The following GPC5 variants were observed in gnomAD, a reference collection of about 807,000 sequenced individuals.
GPC5 encodes glypican-5.
GPC5 carries 47 observed loss-of-function variants against 53.9 expected under a neutral mutation model. The observed-to-expected ratio is 0.87, with a 90% CI of 0.69 to 1.11. The LOEUF is 1.11. Among genes scored for constraint, GPC5 ranks in the 50% most tolerant of loss-of-function variants. The pLI is 0.00. For missense variants in GPC5, 748 were observed against 713.1 expected (o/e 1.05, Z -0.56); for synonymous variants, 286 against 263.3 (o/e 1.09, Z -0.84).
chr13:92,468,360 G>A (rs1343450691), intron 7 of GPC5, among the ~76,000 whole-genome samples: 1 of 152,124 alleles, frequency 6.6e-6, no homozygotes, highest in Non-Finnish European at 1.5e-5. Flanking sequence ...TCTCACTCCA[G>A]AAGAGTGTTC....
At chr13:91,578,133 C>T (rs1263861143) in intron 2 of GPC5, among the ~76,000 whole-genome samples, 1 of 152,194 alleles carries the variant, frequency 6.6e-6, no homozygotes, top group African/African-American at 2.4e-5. Context: ...TTCCTGCCCA[C>T]AGCAGCAAGG....
intron 7 of GPC5, among the ~76,000 whole-genome samples, chr13:92,275,899 G>T (rs1399993961): frequency 6.6e-6 from 1 of 152,092 alleles, no homozygotes; most frequent in African/African-American, 2.4e-5. Flanking sequence ...GCAATTCTTT[G>T]TTGGGGGTAA....
At chr13:91,732,506 T>C (rs1388608382) in intron 4 of GPC5, among the ~76,000 whole-genome samples, 4 of 152,200 alleles carry the variant, frequency 2.6e-5, no homozygotes, top group Non-Finnish European at 5.9e-5. Flanking sequence ...TCTTTTGCTG[T>C]GCAGAAGCTT....
intron 7 of GPC5, among the ~76,000 whole-genome samples, chr13:92,416,795 G>A (rs1165006767): frequency 5.3e-5 from 8 of 151,924 alleles, no homozygotes; most frequent in Admixed American, 5.2e-4. Context: ...TCACAATGTG[G>A]GAGAAAATAT....
At chr13:92,517,118 G>A (rs184287171) in intron 7 of GPC5, among the ~76,000 whole-genome samples, 1 of 152,282 alleles carries the variant, frequency 6.6e-6, no homozygotes, top group African/African-American at 2.4e-5. Context: ...CAAGGCGGCA[G>A]TGAGGCTGGG....
At chr13:91,914,397 G>C (rs2039638813) in intron 6 of GPC5, among the ~76,000 whole-genome samples, 1 of 148,540 alleles carries the variant, frequency 6.7e-6, no homozygotes, top group South Asian at 2.1e-4. Context: ...AATAACATAA[G>C]AGTATTAAGT....
intron 3 of GPC5, among the ~76,000 whole-genome samples, chr13:91,721,829 A>G (rs1275136807): frequency 2.0e-5 from 3 of 152,176 alleles, no homozygotes; most frequent in Non-Finnish European, 4.4e-5. Context: ...TATTTAAACC[A>G]ATTGACCACC....
At chr13:92,602,893 A>G (rs1006488717) in intron 7 of GPC5, among the ~76,000 whole-genome samples, 19 of 152,278 alleles carry the variant, frequency 1.2e-4, no homozygotes, top group Non-Finnish European at 7.4e-5. Flanking sequence ...AGTAAAGGGG[A>G]AAGCCACATG....
intron 6 of GPC5, chr13:91,996,270 A>G (rs2040503266): frequency 6.6e-6 from 1 of 152,252 alleles, no homozygotes; most frequent in Admixed American, 6.5e-5. Context: ...TAGATCAGTT[A>G]TCTCCACTAG....
At chr13:92,419,329 G>A (rs1232253640) in intron 7 of GPC5, among the ~76,000 whole-genome samples, 1 of 152,040 alleles carries the variant, frequency 6.6e-6, no homozygotes, top group Non-Finnish European at 1.5e-5. Context: ...TCTGGTCATA[G>A]CAAGTGATTT....
chr13:92,850,605 G>GA (rs916485233), intron 7 of GPC5, among the ~76,000 whole-genome samples: 264 of 148,052 alleles, frequency 1.8e-3, no homozygotes, highest in African/African-American at 4.1e-3. Flanking sequence ...TCTCAAGAAA[G>GA]AAAAAAAAAA....
chr13:92,778,010 G>C (rs976088973), intron 7 of GPC5, among the ~76,000 whole-genome samples: 1 of 152,158 alleles, frequency 6.6e-6, no homozygotes, highest in African/African-American at 2.4e-5. Flanking sequence ...GAGGCTCCAG[G>C]ATGTGGCAAA....
intron 3 of GPC5, among the ~76,000 whole-genome samples, chr13:91,727,209 A>G (rs1479884524): frequency 1.3e-5 from 2 of 152,148 alleles, no homozygotes; most frequent in Non-Finnish European, 2.9e-5. Flanking sequence ...ACAGATATTT[A>G]TTTTTAATCT....
chr13:92,605,593 A>AT (rs1319247704), intron 7 of GPC5, among the ~76,000 whole-genome samples: 1 of 125,942 alleles, frequency 7.9e-6, no homozygotes, highest in East Asian at 2.3e-4. Flanking sequence ...TTTTTTTTTT[A>AT]TTTTTTTGAG....
chr13:91,512,335 C>A (rs913303177), intron 2 of GPC5, among the ~76,000 whole-genome samples: 3 of 152,182 alleles, frequency 2.0e-5, no homozygotes, highest in African/African-American at 7.2e-5. Context: ...CTCTTTCTGT[C>A]CTATTCTTCT....
chr13:91,609,991 T>G (rs568831112), intron 2 of GPC5, among the ~76,000 whole-genome samples: 25 of 152,324 alleles, frequency 1.6e-4, no homozygotes, highest in African/African-American at 5.8e-4. Flanking sequence ...TGGAATCAAT[T>G]CATTTGCTCA....
At chr13:92,693,172 C>T (rs1331273366) in intron 7 of GPC5, among the ~76,000 whole-genome samples, 1 of 152,014 alleles carries the variant, frequency 6.6e-6, no homozygotes, top group Non-Finnish European at 1.5e-5. Context: ...AACCTTTTTC[C>T]TTTTAAAATT....
intron 7 of GPC5, among the ~76,000 whole-genome samples, chr13:92,579,547 C>T (rs902745038): frequency 2.6e-5 from 4 of 151,668 alleles, no homozygotes; most frequent in African/African-American, 7.3e-5. Flanking sequence ...TTGGATATGG[C>T]GTATGTGGGG....
chr13:92,084,872 A>G (rs2041324062), intron 6 of GPC5, among the ~76,000 whole-genome samples: 1 of 152,180 alleles, frequency 6.6e-6, no homozygotes, highest in East Asian at 1.9e-4. Flanking sequence ...AACACGTTAG[A>G]CAGGATAATT....
Sources: gnomAD v4.1 joint callset for allele counts (sites outside exome capture counted in the v4.1 genomes callset) on GRCh38, gnomAD v4.1.1 for gene constraint, MANE v1.5 for transcripts, NCBI Gene and HGNC (gene_info 2026-07-23, HGNC 2026-07-21) for gene names.